Variants in DOCK9 observed in about 807,000 individuals in gnomAD.
DOCK9 encodes dedicator of cytokinesis 9.
Under a neutral mutation model 263.3 loss-of-function variants are expected in DOCK9, and 89 were observed. The ratio of observed to expected loss-of-function variants is 0.34; its 90% CI spans 0.28 to 0.40. The LOEUF is 0.40. DOCK9 is among the 10% of genes least tolerant of loss of function. The pLI is 1.00. For missense variants in DOCK9, 2,140 were observed against 2,603.4 expected, an observed-to-expected ratio of 0.82 and a Z score of 3.87; for synonymous variants, 976 against 973.1, an observed-to-expected ratio of 1.00 and a Z score of -0.06.
chr13:98,845,942 A>G lies in DOCK9; in HGVS notation c.4180T>C (p.Ser1394Pro). Residue 1394 changes from serine (S) to proline (P), a missense_variant, in exon 38 of 53, where the codon TCT becomes CCT. Transcript: ENST00000682017. ...GACTTACTGTGGTTAAAAGTGAGAG[A>G]GTTATCCAGGCTGCCCAGCTGCTGC... ...RLQQLGSLDN[S>P]LTFNHSYGHS... 1 of 1,613,554 alleles carries G rather than the reference A, an allele frequency of 6.2e-7. No homozygotes were observed. Among genetic ancestry groups the G allele is most frequent in the South Asian group, 1.1e-5 (1 of 90,878 alleles).
chr13:98,991,904 C>T (rs1879903508), intron 1 of DOCK9, among the ~76,000 whole-genome samples: 1 of 151,996 alleles, frequency 6.6e-6, no homozygotes, highest in African/African-American at 2.4e-5. Flanking sequence ...GCTTGATGAT[C>T]CTTGCTTTCT....
Position 98,811,982 on chromosome 13 carries a change from C to T in DOCK9, c.5131-1691G>A, listed in dbSNP as rs193218942. Among the ~76,000 whole-genome samples, 18 of 152,164 alleles carry T rather than the reference C, an allele frequency of 1.2e-4. 1 individual carries two copies. In the East Asian group the frequency reaches 3.5e-3, roughly 29 times the overall value. ...TATGTATATCCAATTGTTTCAATAC[C>T]ATTCGATGAGAGACTATGCTTTCTC... On this transcript the variant is annotated intron_variant, in intron 45 of 52. Transcript: ENST00000682017.
intron 9 of DOCK9, among the ~76,000 whole-genome samples, chr13:98,910,104 G>A (rs1025593266): frequency 6.6e-6 from 1 of 152,158 alleles, no homozygotes; most frequent in African/African-American, 2.4e-5. Context: ...GAAAACATAA[G>A]GTGGGTTTTC....
intron 49 of DOCK9, among the ~76,000 whole-genome samples, chr13:98,802,576 C>T (rs538694551): frequency 5.3e-5 from 8 of 152,166 alleles, no homozygotes; most frequent in Non-Finnish European, 1.2e-4. Flanking sequence ...GGCAAAAGTT[C>T]CATGAAAGAA....
intron 3 of DOCK9, among the ~76,000 whole-genome samples, chr13:98,927,987 A>G (rs959131888): frequency 2.1e-5 from 3 of 143,236 alleles, no homozygotes; most frequent in African/African-American, 7.9e-5. Context: ...ATTTATAATT[A>G]TAAGGAATCG....
chr13:98,817,451 C>CTTTTTTTTT (rs10683281), intron 45 of DOCK9, among the ~76,000 whole-genome samples: 2,295 of 97,296 alleles, frequency 0.024, 258 homozygotes, highest in Middle Eastern at 0.032. Flanking sequence ...ATACACCCAG[C>CTTTTTTTTT]TTTTTTTTTT....
chr13:99,082,144 G>A (rs12868093), intron 1 of DOCK9, among the ~76,000 whole-genome samples: 42,320 of 151,926 alleles, frequency 0.28, 6,257 homozygotes, highest in East Asian at 0.43. Context: ...GCTTGTACCC[G>A]GGAGTTCAAA....
Position 98,862,905 on chromosome 13 carries a change from C to T in DOCK9, c.3579+114G>A, listed in dbSNP as rs1169626726. On this transcript the variant is annotated intron_variant, in intron 32 of 52. Transcript: ENST00000682017. ...CACCTTGATTTTGGACTTCTGGACT[C>T]CTGACTGGGAGAGAATAAACTGCTG... The T allele has an allele frequency of 2.3e-5, 20 of 869,956 alleles. No homozygotes were observed. In the Middle Eastern group the frequency reaches 1.1e-3, roughly 48 times the overall value. The allele number at this position is 869,956 out of a possible 1,614,324, so 53.9% of individuals were successfully genotyped here. A position where few individuals can be genotyped will look rare whatever the true frequency, so the allele number is the denominator to read the frequency against.
At chr13:98,838,823 C>T (rs2093105826) in intron 38 of DOCK9, among the ~76,000 whole-genome samples, 1 of 152,106 alleles carries the variant, frequency 6.6e-6, no homozygotes, top group Non-Finnish European at 1.5e-5. Context: ...TCCTAATACT[C>T]CAGAGAGGAG....
intron 52 of DOCK9, among the ~76,000 whole-genome samples, chr13:98,795,311 A>G (rs1433585256): frequency 6.6e-6 from 1 of 152,092 alleles, no homozygotes; most frequent in Admixed American, 6.5e-5. Context: ...TTGTCTTGGG[A>G]GAGGGTGGCT....
intron 1 of DOCK9, among the ~76,000 whole-genome samples, chr13:98,956,221 A>G (rs2058047134): frequency 6.6e-6 from 1 of 152,190 alleles, no homozygotes; most frequent in Non-Finnish European, 1.5e-5. Context: ...CAGGAAAAAG[A>G]GGTAACGAGT....
At chr13:98,902,603 T>C in intron 11 of DOCK9, 112 bp from the exon 12 acceptor site, 1 of 955,982 alleles carries the variant, frequency 1.0e-6, no homozygotes, top group East Asian at 2.6e-5. Flanking sequence ...CATAAATTAC[T>C]ACTAAACAGT....
chr13:98,888,335 A>G (rs758308385), intron 17 of DOCK9, 25 bp downstream of exon 17: 1 of 1,608,784 alleles, frequency 6.2e-7, no homozygotes, highest in Non-Finnish European at 8.5e-7. Context: ...GACATCAAGA[A>G]TGAAACCTCC....
chr13:98,877,717 G>C (rs1247492147), intron 27 of DOCK9, among the ~76,000 whole-genome samples: 5 of 152,162 alleles, frequency 3.3e-5, no homozygotes, highest in African/African-American at 1.2e-4. Context: ...AGGTAGGGCA[G>C]CCACTGAACG....
At chr13:99,001,167 C>T (rs974634962) in intron 1 of DOCK9, among the ~76,000 whole-genome samples, 3 of 152,252 alleles carry the variant, frequency 2.0e-5, no homozygotes, top group African/African-American at 7.2e-5. Flanking sequence ...ACTCACTTCG[C>T]AAGTAGTAAA....
intron 15 of DOCK9, among the ~76,000 whole-genome samples, chr13:98,895,520 C>A (rs540914480): frequency 1.3e-5 from 2 of 151,850 alleles, no homozygotes; most frequent in East Asian, 3.9e-4. Context: ...CAAAAATTAG[C>A]CAGGCGTAGT....
At chr13:98,802,807 G>A (rs2090269740) in intron 49 of DOCK9, among the ~76,000 whole-genome samples, 1 of 152,174 alleles carries the variant, frequency 6.6e-6, no homozygotes, top group Admixed American at 6.5e-5. Context: ...ACAAAGCAAT[G>A]CAATGGAAGA....
At chr13:98,855,771 G>T in intron 34 of DOCK9, 127 bp downstream of exon 34, 1 of 1,099,896 alleles carries the variant, frequency 9.1e-7, no homozygotes. Flanking sequence ...ACCTACTCCA[G>T]GTCAGCCGGG....
intron 1 of DOCK9, among the ~76,000 whole-genome samples, chr13:98,986,787 G>A (rs568412501): frequency 3.9e-4 from 59 of 152,182 alleles, no homozygotes; most frequent in African/African-American, 1.4e-3. Context: ...TGGGCCACAC[G>A]TCCTAAGAAG....
Sources: allele counts gnomAD v4.1 joint callset (sites outside exome capture counted in the v4.1 genomes callset), GRCh38; gene constraint gnomAD v4.1.1; transcripts MANE v1.5; gene names NCBI Gene and HGNC (gene_info 2026-07-23, HGNC 2026-07-21).